Variants in LRMDA observed in about 807,000 individuals in gnomAD.
The protein encoded by LRMDA is leucine rich melanocyte differentiation associated, also known as leucine-rich melanocyte differentiation-associated protein.
A neutral mutation model predicts 29.8 loss-of-function variants in LRMDA; 18 were observed. That is an observed-to-expected ratio of 0.60 (90% CI 0.42 to 0.90). The LOEUF (loss-of-function observed/expected upper bound fraction) is 0.90. LRMDA is among the 40% of genes least tolerant of loss of function. The probability of loss-of-function intolerance (pLI) is 0.00; values close to 1 mark genes in which losing one functional copy is unlikely to be tolerated. For synonymous variants in LRMDA, 125 were observed against 109.4 expected, an observed-to-expected ratio of 1.14 and a Z score of -0.89; for missense variants, 273 against 273.9, an observed-to-expected ratio of 1.00 and a Z score of 0.02.
chr10:75,521,167 C>T (rs963122139), intron 2 of LRMDA, among the ~76,000 whole-genome samples: 4 of 152,188 alleles, frequency 2.6e-5, no homozygotes, highest in Non-Finnish European at 4.4e-5. Context: ...GGGTCAGGCT[C>T]CCACTTGAGG....
intron 2 of LRMDA, among the ~76,000 whole-genome samples, chr10:75,460,186 T>C (rs7903784): frequency 0.23 from 34,713 of 152,142 alleles, 4,113 homozygotes; most frequent in African/African-American, 0.3. Flanking sequence ...TAATATCAGA[T>C]TATTGTTTAA....
At chr10:76,473,371 A>T (rs1842636900) in intron 6 of LRMDA, among the ~76,000 whole-genome samples, 1 of 151,616 alleles carries the variant, frequency 6.6e-6, no homozygotes, top group Non-Finnish European at 1.5e-5. Flanking sequence ...CCCCAACGCG[A>T]TAAAGGACAT....
chr10:75,776,290 A>G (rs1474802009), intron 2 of LRMDA, among the ~76,000 whole-genome samples: 1 of 152,212 alleles, frequency 6.6e-6, no homozygotes, highest in Non-Finnish European at 1.5e-5. Context: ...CACAGAGATG[A>G]TTCAGTCCAG....
intron 2 of LRMDA, among the ~76,000 whole-genome samples, chr10:75,812,555 G>A (rs1843983635): frequency 6.6e-6 from 1 of 152,090 alleles, no homozygotes; most frequent in East Asian, 1.9e-4. Flanking sequence ...TTCTGAACGT[G>A]GTGACATGAT....
At chr10:75,878,422 C>A (rs1205617746) in intron 2 of LRMDA, among the ~76,000 whole-genome samples, 1 of 151,690 alleles carries the variant, frequency 6.6e-6, no homozygotes, top group Non-Finnish European at 1.5e-5. Context: ...TAGGGCCACC[C>A]AACAGCTGGA....
intron 2 of LRMDA, among the ~76,000 whole-genome samples, chr10:76,008,462 C>T (rs1437154789): frequency 6.6e-6 from 1 of 152,114 alleles, no homozygotes; most frequent in Non-Finnish European, 1.5e-5. Flanking sequence ...AACACATTAA[C>T]TCATCTTTGG....
At chr10:76,222,264 C>G (rs940329049) in intron 5 of LRMDA, among the ~76,000 whole-genome samples, 13 of 152,306 alleles carry the variant, frequency 8.5e-5, no homozygotes, top group Non-Finnish European at 1.8e-4. Context: ...CCACAATTGA[C>G]AAATGGGATC....
At chr10:75,899,443 G>T (rs759039689) in intron 2 of LRMDA, among the ~76,000 whole-genome samples, 2 of 152,308 alleles carry the variant, frequency 1.3e-5, no homozygotes, top group South Asian at 4.1e-4. Context: ...CTTCAGATGC[G>T]CTAGCATAGG....
chr10:75,918,813 A>T (rs919279602), intron 2 of LRMDA, among the ~76,000 whole-genome samples: 1 of 152,182 alleles, frequency 6.6e-6, no homozygotes, highest in African/African-American at 2.4e-5. Flanking sequence ...AACCTGCCCC[A>T]TTCTTGCCTT....
chr10:75,984,152 C>G (rs1847222213), intron 2 of LRMDA, among the ~76,000 whole-genome samples: 2 of 151,132 alleles, frequency 1.3e-5, no homozygotes, highest in Admixed American at 1.3e-4. Context: ...TCATGATTTA[C>G]CTGGGTTCTT....
chr10:75,977,490 A>G (rs1354733970), intron 2 of LRMDA, among the ~76,000 whole-genome samples: 1 of 152,146 alleles, frequency 6.6e-6, no homozygotes, highest in East Asian at 1.9e-4. Context: ...AGGAGCAAAG[A>G]TTTTCTGAAT....
intron 5 of LRMDA, among the ~76,000 whole-genome samples, chr10:76,230,202 C>T (rs1852032601): frequency 6.6e-6 from 1 of 152,066 alleles, no homozygotes; most frequent in African/African-American, 2.4e-5. Context: ...GGAAACTTGT[C>T]CCTTTCAAAA....
intron 2 of LRMDA, among the ~76,000 whole-genome samples, chr10:75,830,655 C>T (rs951516710): frequency 1.3e-5 from 2 of 152,192 alleles, no homozygotes; most frequent in Non-Finnish European, 2.9e-5. Context: ...ATTCAGTCAT[C>T]TTCCACCAGG....
intron 6 of LRMDA, among the ~76,000 whole-genome samples, chr10:76,505,592 A>AT (rs1382533107): frequency 6.6e-6 from 1 of 151,842 alleles, no homozygotes; most frequent in Non-Finnish European, 1.5e-5. Context: ...CTCATAGTGA[A>AT]TTTTTTCAAT....
At chr10:76,116,946 C>T (rs1849677554) in intron 5 of LRMDA, among the ~76,000 whole-genome samples, 1 of 152,004 alleles carries the variant, frequency 6.6e-6, no homozygotes, top group South Asian at 2.1e-4. Context: ...AACCAGTTTC[C>T]CTTTGTTATT....
At chr10:76,302,377 G>A (rs544484835) in intron 5 of LRMDA, among the ~76,000 whole-genome samples, 1 of 152,322 alleles carries the variant, frequency 6.6e-6, no homozygotes, top group East Asian at 1.9e-4. Context: ...GGGTGGTAAG[G>A]AGAAAAGGCT....
chr10:76,557,508 C>T lies in LRMDA; in HGVS notation c.*220C>T. 1 of 582,256 alleles carries T rather than the reference C, an allele frequency of 1.7e-6. No individual in the cohort carries two copies. The highest frequency in any genetic ancestry group is 3.0e-6 in the Non-Finnish European group (1 of 327,990). The allele number at this position is 582,256 out of a possible 1,614,324, so 36.1% of individuals were successfully genotyped here. On this transcript the variant is annotated 3_prime_UTR_variant, in exon 7 of 7. Transcript: ENST00000611255. ...TCACATAGAGATTGACATGATTGCCCTTAAGCAGGTCTCATCCACCAGGGT... is the reference window on the plus strand; with the variant it reads ...TCACATAGAGATTGACATGATTGCCTTTAAGCAGGTCTCATCCACCAGGGT...
intron 2 of LRMDA, among the ~76,000 whole-genome samples, chr10:75,527,716 TTAATA>T (rs1845429410): frequency 6.8e-6 from 1 of 147,322 alleles, no homozygotes; most frequent in Non-Finnish European, 1.5e-5. Flanking sequence ...ATATAATATA[TTAATA>T]TAATTATATA....
At chr10:76,320,834 G>A (rs1840762178) in intron 5 of LRMDA, among the ~76,000 whole-genome samples, 1 of 152,192 alleles carries the variant, frequency 6.6e-6, no homozygotes, top group Non-Finnish European at 1.5e-5. Flanking sequence ...CCCCTTGGCA[G>A]AAGCAAACAT....
Sources: allele counts gnomAD v4.1 joint callset (sites outside exome capture counted in the v4.1 genomes callset), GRCh38; gene constraint gnomAD v4.1.1; transcripts MANE v1.5; gene names NCBI Gene and HGNC (gene_info 2026-07-23, HGNC 2026-07-21).